The following KANSL2 variants were observed in gnomAD, a reference collection of about 807,000 sequenced individuals.
KANSL2 encodes KAT8 regulatory NSL complex subunit 2.
Under a neutral mutation model 55.6 loss-of-function variants are expected in KANSL2, and 34 were observed. The observed-to-expected ratio is 0.61, with a 90% CI of 0.46 to 0.81. The LOEUF (loss-of-function observed/expected upper bound fraction) is 0.81. KANSL2 is among the 40% of genes least tolerant of loss of function. The pLI, the probability that KANSL2 is intolerant of heterozygous loss-of-function variation, is 0.00. For missense variants in KANSL2, 502 were observed against 609.9 expected, an observed-to-expected ratio of 0.82 and a Z score of 1.86; for synonymous variants, 209 against 214.3, an observed-to-expected ratio of 0.98 and a Z score of 0.22.
In KANSL2 at chr12:48,669,126, T is replaced by C. The variant is rs1239510769; in HGVS notation, c.856A>G (p.Thr286Ala). ...ATTACCTGTTGGGCAGCACCATCTG[T>C]GGCCAGCATTCTCCGTTCCTTCAAC... ...RQLKERRMLA[T>A]DGAAQQAHTT... The change falls in exon 6 of 10, where the codon ACA becomes GCA. Residue 286 changes from threonine (T) to alanine (A), a missense_variant. Thr to Ala is a moderately conservative substitution (Grantham distance 58). Coordinates refer to ENST00000420613, the MANE Select transcript of KANSL2 (RefSeq NM_017822.4). 8.4e-6 allele frequency: 13 copies of C among 1,548,702 alleles called. No homozygotes were observed. The highest frequency in any genetic ancestry group is 2.4e-5 in the East Asian group (1 of 40,848).
intron 7 of KANSL2, among the ~76,000 whole-genome samples, chr12:48,664,714 A>C (rs1939559035): frequency 6.6e-6 from 1 of 150,480 alleles, no homozygotes; most frequent in Admixed American, 6.7e-5. Context: ...CCAAGTAGCA[A>C]GGATTACAGG....
Position 48,655,036 on chromosome 12 carries a change from TACC to T in KANSL2, c.1249_1251del (p.Gly417del), listed in dbSNP as rs1565603135. The T allele has an allele frequency of 3.8e-6, 6 of 1,583,290 alleles. No homozygotes were observed. Among genetic ancestry groups the T allele is most frequent in the Non-Finnish European group, 5.2e-6 (6 of 1,164,280 alleles). ...AGCAAAGGTGAAGGAGGACACTGCA[TACC>T]ATCACCCACAACATCCAAGTCCTAG... On this transcript the variant is annotated inframe_deletion, in exon 9 of 10. Coordinates refer to ENST00000420613, the MANE Select transcript of KANSL2 (RefSeq NM_017822.4).
intron 4 of KANSL2, among the ~76,000 whole-genome samples, chr12:48,674,983 T>A (rs968326703): frequency 3.1e-4 from 45 of 147,150 alleles, no homozygotes; most frequent in Admixed American, 1.2e-3. Context: ...AAATAATATA[T>A]AATAAAATAA....
chr12:48,678,363 C>T (rs757612264), intron 4 of KANSL2, among the ~76,000 whole-genome samples: 1 of 152,060 alleles, frequency 6.6e-6, no homozygotes, highest in Non-Finnish European at 1.5e-5. Context: ...AGATATAAAC[C>T]TGATTAAGAT....
chr12:48,681,857 C>G lies in KANSL2; in HGVS notation c.-9-216G>C, dbSNP rs1333488980. Reference sequence around the variant, plus strand: ...ATGCCCGGCCCCACCCCGAACCACACCACGCTGAATGTATCTTCAGGACTC... The same window carrying G: ...ATGCCCGGCCCCACCCCGAACCACAGCACGCTGAATGTATCTTCAGGACTC... On this transcript the variant is annotated intron_variant, in intron 1 of 9. Coordinates refer to ENST00000420613, the MANE Select transcript of KANSL2 (RefSeq NM_017822.4). 8.5e-6 allele frequency: 6 copies of G among 706,288 alleles called. 1 individual carries two copies. In the South Asian group the frequency reaches 8.9e-5, roughly 10 times the overall value. The allele number at this position is 706,288 out of a possible 1,614,324, so 43.8% of individuals were successfully genotyped here.
intron 8 of KANSL2, among the ~76,000 whole-genome samples, chr12:48,659,978 G>C (rs1468054772): frequency 6.6e-6 from 1 of 152,180 alleles, no homozygotes; most frequent in Non-Finnish European, 1.5e-5. Flanking sequence ...ATCGTGGCCA[G>C]GGGCTGAGGG....
chr12:48,670,198 CA>C (rs55764309), intron 5 of KANSL2, among the ~76,000 whole-genome samples: 237 of 103,554 alleles, frequency 2.3e-3, no homozygotes, highest in African/African-American at 2.2e-3. Context: ...GACTATATCA[CA>C]AAAAAAAAAA....
Position 48,667,708 on chromosome 12 carries a change from T to C in KANSL2, c.958A>G (p.Arg320Gly), listed in dbSNP as rs779396749. Residue 320 changes from arginine to glycine, a missense_variant, in exon 7 of 10, where the codon AGA (arginine) becomes GGA (glycine). Arg to Gly is a moderately radical substitution (Grantham distance 125). Coordinates refer to ENST00000420613, the MANE Select transcript of KANSL2 (RefSeq NM_017822.4). ...AAAAAGATACGGGTAAGGCAGTGTC[T>C]GGTCATTGGAAGAGACTGATTGGAA... ...RCSNQSLPMT[R>G]HCLTHICQDT... is the part of the protein sequence containing the mutation. 2 of 1,613,230 alleles carry C rather than the reference T, an allele frequency of 1.2e-6. No individual in the cohort carries two copies. The highest frequency in any genetic ancestry group is 3.3e-5 in the Admixed American group (2 of 60,024).
chr12:48,658,862 TGTTAA>T (rs1257652664), intron 8 of KANSL2, among the ~76,000 whole-genome samples: 1 of 152,246 alleles, frequency 6.6e-6, no homozygotes, highest in African/African-American at 2.4e-5. Context: ...AAGATTAAGG[TGTTAA>T]GTTACTACTT....
Position 48,655,021 on chromosome 12 carries a change from AAGG to A in KANSL2, c.1264_1266del (p.Pro422del). On this transcript the variant is annotated inframe_deletion, in exon 9 of 10. Coordinates refer to ENST00000420613, the MANE Select transcript of KANSL2 (RefSeq NM_017822.4). Reference sequence around the variant, plus strand: ...AGTGAAGGATCAAAAAGCAAAGGTGAAGGAGGACACTGCATACCATCACCCACA... The same window carrying A: ...AGTGAAGGATCAAAAAGCAAAGGTGAAGGACACTGCATACCATCACCCACA... 2 of 1,586,808 alleles carry A rather than the reference AAGG, an allele frequency of 1.3e-6. No individual in the cohort carries two copies. Among genetic ancestry groups the A allele is most frequent in the African/African-American group, 2.7e-5 (2 of 74,558 alleles).
intron 8 of KANSL2, among the ~76,000 whole-genome samples, chr12:48,656,267 TTTTTG>T (rs1191581364): frequency 6.8e-6 from 1 of 147,194 alleles, no homozygotes; most frequent in Non-Finnish European, 1.5e-5. Flanking sequence ...AACCTGGTTT[TTTTTG>T]TTTTGTTTTT....
At chr12:48,677,119 A>G (rs1044618265) in intron 4 of KANSL2, among the ~76,000 whole-genome samples, 1 of 152,212 alleles carries the variant, frequency 6.6e-6, no homozygotes, top group Non-Finnish European at 1.5e-5. Flanking sequence ...TTTTTAAAAA[A>G]TAATCTCACT....
Position 48,675,363 on chromosome 12 carries a change from G to A in KANSL2, c.546-3401C>T, listed in dbSNP as rs528481332. 1.0e-3 allele frequency among the ~76,000 whole-genome samples: 153 copies of A among 152,038 alleles called. 2 individuals carry two copies. The highest frequency in any genetic ancestry group is 3.5e-3 in the African/African-American group (144 of 41,480). On this transcript the variant is annotated intron_variant, in intron 4 of 9. Coordinates refer to ENST00000420613, the MANE Select transcript of KANSL2 (RefSeq NM_017822.4). ...AAAGGTTGCAGTGAGCTGAGATCGT[G>A]CCACTGCGCTCCAGCCTGGCAACAG...
chr12:48,670,507 C>T (rs947714532), intron 5 of KANSL2, among the ~76,000 whole-genome samples: 1 of 151,928 alleles, frequency 6.6e-6, no homozygotes, highest in African/African-American at 2.4e-5. Flanking sequence ...GGCTAATGTA[C>T]GTGTTTGCAT....
intron 7 of KANSL2, chr12:48,667,320 T>G: frequency 4.3e-6 from 1 of 233,138 alleles, no homozygotes; most frequent in South Asian, 5.6e-5. Context: ...AGTTTATAAT[T>G]AGATTTAACA....
intron 4 of KANSL2, among the ~76,000 whole-genome samples, chr12:48,672,638 C>T (rs1939747895): frequency 6.6e-6 from 1 of 151,564 alleles, no homozygotes; most frequent in African/African-American, 2.4e-5. Context: ...ACCATGTTGT[C>T]CAGGCTTGAA....
intron 8 of KANSL2, among the ~76,000 whole-genome samples, chr12:48,657,652 T>G (rs2137175774): frequency 6.6e-6 from 1 of 152,206 alleles, no homozygotes; most frequent in East Asian, 2.0e-4. Flanking sequence ...GTTTCACTCT[T>G]GTTACCCAGG....
At chr12:48,664,230 ATCT>A (rs1245532641) in intron 7 of KANSL2, among the ~76,000 whole-genome samples, 1 of 148,234 alleles carries the variant, frequency 6.7e-6, no homozygotes, top group Non-Finnish European at 1.5e-5. Flanking sequence ...AGCCTTTTCT[ATCT>A]TCTTTTAAAT....
chr12:48,672,413 A>ATGTG (rs1939737645), intron 4 of KANSL2, among the ~76,000 whole-genome samples: 1 of 110,076 alleles, frequency 9.1e-6, no homozygotes, highest in African/African-American at 3.5e-5. Flanking sequence ...ATATACGTAT[A>ATGTG]TATATATATA....
Sources: gnomAD v4.1 joint callset for allele counts (sites outside exome capture counted in the v4.1 genomes callset) on GRCh38, gnomAD v4.1.1 for gene constraint, MANE v1.5 for transcripts, NCBI Gene and HGNC (gene_info 2026-07-23, HGNC 2026-07-21) for gene names.